The following RSRC2 variants were observed in gnomAD, a reference collection of about 807,000 sequenced individuals.
RSRC2 encodes arginine/serine-rich coiled-coil protein 2.
RSRC2 carries 5 observed loss-of-function variants against 61.3 expected under a neutral mutation model. The observed-to-expected ratio is 0.08, with a 90% CI of 0.04 to 0.17. The LOEUF (loss-of-function observed/expected upper bound fraction) is 0.17. RSRC2 is among the 10% of genes least tolerant of loss of function. The pLI, the probability that RSRC2 is intolerant of heterozygous loss-of-function variation, is 1.00. For missense variants in RSRC2, 381 were observed against 518.8 expected, an observed-to-expected ratio of 0.73 and a Z score of 2.58; for synonymous variants, 202 against 166.5, an observed-to-expected ratio of 1.21 and a Z score of -1.64.
intron 7 of RSRC2, among the ~76,000 whole-genome samples, chr12:122,510,186 CA>C (rs1381519574): frequency 6.6e-6 from 1 of 151,970 alleles, no homozygotes; most frequent in Non-Finnish European, 1.5e-5. Context: ...AAGAGAAATA[CA>C]TATTTCAGAT....
chr12:122,523,580 T>A (rs543827828), intron 1 of RSRC2: 1 of 152,330 alleles, frequency 6.6e-6, no homozygotes, highest in South Asian at 2.1e-4. Flanking sequence ...TATGGACTTT[T>A]CACGTATAAC....
At chr12:122,523,538 TATTTA>T in intron 1 of RSRC2, 1 of 152,260 alleles carries the variant, frequency 6.6e-6, no homozygotes, top group African/African-American at 2.4e-5. Flanking sequence ...AAGCCAAAAA[TATTTA>T]CCGTCTGGCC....
chr12:122,525,644 G>A (rs537649387), intron 1 of RSRC2, among the ~76,000 whole-genome samples: 1 of 152,022 alleles, frequency 6.6e-6, no homozygotes, highest in African/African-American at 2.4e-5. Flanking sequence ...TCAGTAAAAA[G>A]GAATGCAAAA....
chr12:122,507,718 AT>A (rs63636761), intron 8 of RSRC2, among the ~76,000 whole-genome samples: 33 of 143,272 alleles, frequency 2.3e-4, no homozygotes, highest in Admixed American at 1.0e-3. Flanking sequence ...CAGTGGCGTG[AT>A]TTTTTTTTTT....
Position 122,517,304 on chromosome 12 carries a change from C to G in RSRC2, c.525G>C (p.Arg175=). 1.2e-6 allele frequency: 2 copies of G among 1,614,110 alleles called. No individual in the cohort carries two copies. Among genetic ancestry groups the G allele is most frequent in the African/African-American group, 1.3e-5 (1 of 75,008 alleles). The stretch of plus-strand genomic sequence containing the variant: ...ATCTTGAGCGGGAACGAGACCTGAT[C>G]CGCCGTTTTCTTTCCCTGCTTCTGG... ...SRSRSRERKR[R]IRSRSRSRSR... Residue 175 remains arginine (R), a synonymous_variant, in exon 5 of 10, where the codon CGG becomes CGC. Transcript: ENST00000331738.
chr12:122,521,798 A>G (rs1201935526), intron 2 of RSRC2, among the ~76,000 whole-genome samples: 1 of 152,256 alleles, frequency 6.6e-6, no homozygotes, highest in Non-Finnish European at 1.5e-5. Flanking sequence ...AGGTTGAATT[A>G]TATTTGATAT....
intron 5 of RSRC2, among the ~76,000 whole-genome samples, chr12:122,516,009 A>G (rs868868952): frequency 9.2e-5 from 14 of 151,918 alleles, no homozygotes; most frequent in South Asian, 4.1e-4. Context: ...AAAAAACTAG[A>G]TGTCAGTGAC....
Position 122,503,503 on chromosome 12 carries a change from G to A in RSRC2, c.*2024C>T, listed in dbSNP as rs541074438. 1.3e-5 allele frequency: 2 copies of A among 152,320 alleles called. No individual in the cohort carries two copies. Among genetic ancestry groups the A allele is most frequent in the African/African-American group, 4.8e-5 (2 of 41,564 alleles). The allele number at this position is 152,320 out of a possible 1,614,324, so 9.4% of individuals were successfully genotyped here. On this transcript the variant is annotated 3_prime_UTR_variant, in exon 10 of 10. Transcript: ENST00000331738. Reference sequence around the variant, plus strand: ...GACAGTGCTGCTCTAGATGAGCAAAGTACAGGCTGTATCACTCATCATGTA... The same window carrying A: ...GACAGTGCTGCTCTAGATGAGCAAAATACAGGCTGTATCACTCATCATGTA...
chr12:122,521,577 TAATAC>T, intron 2 of RSRC2, 149 bp from the exon 3 acceptor site: 1 of 674,844 alleles, frequency 1.5e-6, no homozygotes, highest in East Asian at 2.7e-5. Context: ...TATTCTACAT[TAATAC>T]AACACACATG....
intron 6 of RSRC2, chr12:122,514,823 G>C (rs1015114298): frequency 6.1e-6 from 4 of 660,458 alleles, no homozygotes; most frequent in Non-Finnish European, 8.4e-6. Flanking sequence ...AAAAAAAAAA[G>C]TTTCAAATGC....
At position 122,517,288 on chromosome 12, in the gene RSRC2, G is replaced by C. The variant is rs753134403; in HGVS notation, c.541C>G (p.Arg181Gly). The change falls in exon 5 of 10, where the codon CGC becomes GGC. Residue 181 changes from arginine to glycine, a missense_variant. By Grantham distance (125) the Arg-to-Gly change is moderately radical. Around this residue, in one of 4 missense-constraint regions of RSRC2, gnomAD observed 266 missense variants for 270.5 expected, o/e 0.98. Transcript: ENST00000331738. ...CTATGCCTGTGTCTTGATCTTGAGC[G>C]GGAACGAGACCTGATCCGCCGTTTT... is the stretch of plus-strand genomic sequence containing the variant. ...ERKRRIRSRSRSRSRHRHRTR... is the reference protein window; with the variant it reads ...ERKRRIRSRSGSRSRHRHRTR... 13 of 1,613,884 alleles carry C rather than the reference G, an allele frequency of 8.1e-6. No individual in the cohort carries two copies. In the South Asian group the frequency reaches 1.4e-4, roughly 18 times the overall value.
At chr12:122,510,451 T>G (rs1958417282) in intron 7 of RSRC2, among the ~76,000 whole-genome samples, 1 of 151,958 alleles carries the variant, frequency 6.6e-6, no homozygotes, top group Non-Finnish European at 1.5e-5. Context: ...ATCGCTTAAA[T>G]CCAAGAGGCA....
chr12:122,508,048 C>T (rs1488115976), intron 8 of RSRC2, 170 bp downstream of exon 8: 5 of 685,432 alleles, frequency 7.3e-6, no homozygotes, highest in Non-Finnish European at 1.3e-5. Flanking sequence ...AACTGATCCG[C>T]TCACTTGGCA....
intron 1 of RSRC2, among the ~76,000 whole-genome samples, chr12:122,524,461 T>A (rs955658103): frequency 2.6e-5 from 4 of 152,186 alleles, no homozygotes; most frequent in Admixed American, 2.0e-4. Flanking sequence ...AAGACTAGAA[T>A]CGAAAACAAC....
rs1593344430 is a variant in RSRC2 at position 122,504,078 on chromosome 12, CTTCA to C, written c.*1445_*1448del. ...CAAAAAAAAAGAAAACACCCCATTA[CTTCA>C]TTTTCATGTATAAAAAAAATACCTA... On this transcript the variant is annotated 3_prime_UTR_variant, in exon 10 of 10. Coordinates refer to ENST00000331738, the MANE Select transcript of RSRC2 (RefSeq NM_023012.6). 1 of 152,022 alleles carries C rather than the reference CTTCA, an allele frequency of 6.6e-6. No homozygotes were observed. The highest frequency in any genetic ancestry group is 1.9e-4 in the East Asian group (1 of 5,186). The allele number at this position is 152,022 out of a possible 1,614,324, so 9.4% of individuals were successfully genotyped here. A position where few individuals can be genotyped will look rare whatever the true frequency, so the allele number is the denominator to read the frequency against.
chr12:122,526,511 A>G (rs185020449), intron 1 of RSRC2, among the ~76,000 whole-genome samples: 1 of 151,962 alleles, frequency 6.6e-6, no homozygotes, highest in East Asian at 1.9e-4. Context: ...TCCACCGCAA[A>G]TTCTCAGGCC....
At chr12:122,520,520 C>T (rs1288238349) in intron 3 of RSRC2, 2 of 1,366,120 alleles carry the variant, frequency 1.5e-6, no homozygotes, top group South Asian at 2.3e-5. Flanking sequence ...ATGAAGTAGG[C>T]TTATTATTTT....
intron 6 of RSRC2, 194 bp downstream of exon 6, chr12:122,514,911 G>A: frequency 1.4e-6 from 1 of 694,420 alleles, no homozygotes; most frequent in East Asian, 3.1e-5. Context: ...AGAAATTGTA[G>A]ACATCTCAAT....
intron 1 of RSRC2, 35 bp from the exon 2 acceptor site, chr12:122,522,334 A>AT: frequency 6.5e-7 from 1 of 1,542,712 alleles, no homozygotes; most frequent in East Asian, 2.3e-5. Context: ...AAAGTTCTTA[A>AT]TTACATTTTA....
Sources: gnomAD v4.1 joint callset for allele counts (sites outside exome capture counted in the v4.1 genomes callset) on GRCh38, gnomAD v4.1.1 for gene constraint, gnomAD v4.1.1 regional missense constraint, MANE v1.5 for transcripts, NCBI Gene and HGNC (gene_info 2026-07-23, HGNC 2026-07-21) for gene names.